The following LRRTM4 variants were observed in gnomAD, a reference collection of about 807,000 sequenced individuals.
LRRTM4 encodes the protein leucine-rich repeat transmembrane neuronal protein 4.
LRRTM4 carries 25 observed loss-of-function variants against 47.6 expected under a neutral mutation model. The ratio of observed to expected loss-of-function variants is 0.53; its 90% CI spans 0.38 to 0.73. LRRTM4 has a LOEUF of 0.73. LRRTM4 is among the 30% of genes least tolerant of loss of function. The pLI is 0.00. For missense variants in LRRTM4, 638 were observed against 713.4 expected (o/e 0.89, Z 1.20); for synonymous variants, 311 against 269.5 (o/e 1.15, Z -1.51).
chr2:76,771,835 T>C (rs895828896), intron 3 of LRRTM4, among the ~76,000 whole-genome samples: 5 of 151,878 alleles, frequency 3.3e-5, no homozygotes, highest in African/African-American at 1.2e-4. Flanking sequence ...CAACCTCACA[T>C]CCTGGAGGAC....
intron 3 of LRRTM4, among the ~76,000 whole-genome samples, chr2:76,829,175 T>C (rs961166081): frequency 3.3e-5 from 5 of 152,052 alleles, no homozygotes; most frequent in South Asian, 2.1e-4. Flanking sequence ...ACTCTGGAGA[T>C]TGGCCACACA....
intron 3 of LRRTM4, among the ~76,000 whole-genome samples, chr2:76,963,381 G>A (rs13406683): frequency 1.2e-3 from 180 of 150,612 alleles, no homozygotes; most frequent in African/African-American, 4.2e-3. Context: ...AAAAGTAAAG[G>A]AAAATCTGAA....
chr2:77,186,902 T>C (rs1673522101), intron 3 of LRRTM4, among the ~76,000 whole-genome samples: 1 of 152,098 alleles, frequency 6.6e-6, no homozygotes, highest in South Asian at 2.1e-4. Context: ...TCTTGAAAAA[T>C]AATTTACATT....
chr2:77,097,695 T>C (rs1335969089), intron 3 of LRRTM4, among the ~76,000 whole-genome samples: 1 of 152,030 alleles, frequency 6.6e-6, no homozygotes, highest in Non-Finnish European at 1.5e-5. Context: ...GTACTAAAAC[T>C]AAATTGTTAA....
At chr2:77,338,954 A>G (rs2104270401) in intron 3 of LRRTM4, among the ~76,000 whole-genome samples, 1 of 152,168 alleles carries the variant, frequency 6.6e-6, no homozygotes, top group South Asian at 2.1e-4. Flanking sequence ...TTGCAGCAAC[A>G]TAGATGCAGC....
intron 3 of LRRTM4, among the ~76,000 whole-genome samples, chr2:77,307,401 A>AT (rs922856644): frequency 2.0e-5 from 3 of 150,588 alleles, no homozygotes; most frequent in Non-Finnish European, 4.4e-5. Context: ...CATCAAATAG[A>AT]TTTTTTCCTG....
At chr2:77,000,617 T>C (rs1677385412) in intron 3 of LRRTM4, among the ~76,000 whole-genome samples, 1 of 152,184 alleles carries the variant, frequency 6.6e-6, no homozygotes, top group South Asian at 2.1e-4. Context: ...AAGGTATCTC[T>C]TTATTGTCCT....
intron 3 of LRRTM4, among the ~76,000 whole-genome samples, chr2:77,122,047 A>G (rs1054158392): frequency 7.9e-5 from 12 of 151,854 alleles, no homozygotes; most frequent in Non-Finnish European, 1.5e-5. Context: ...ACATGTTTAT[A>G]TATAAATATT....
chr2:77,028,805 G>A (rs1678542298), intron 3 of LRRTM4, among the ~76,000 whole-genome samples: 1 of 151,806 alleles, frequency 6.6e-6, no homozygotes, highest in African/African-American at 2.4e-5. Context: ...GGAGGCTGAG[G>A]TGGGCAAATC....
chr2:77,208,170 C>T (rs542597415), intron 3 of LRRTM4, among the ~76,000 whole-genome samples: 35 of 152,090 alleles, frequency 2.3e-4, no homozygotes, highest in Non-Finnish European at 3.8e-4. Flanking sequence ...TGAGCCACCA[C>T]GCACCCCCCA....
chr2:77,166,155 ACAC>A (rs992117056), intron 3 of LRRTM4, among the ~76,000 whole-genome samples: 2 of 152,214 alleles, frequency 1.3e-5, no homozygotes, highest in African/African-American at 4.8e-5. Flanking sequence ...GCATTCCTAT[ACAC>A]CAATGACAGA....
chr2:77,514,451 T>C (rs1399545136), intron 3 of LRRTM4, among the ~76,000 whole-genome samples: 1 of 152,060 alleles, frequency 6.6e-6, no homozygotes, highest in East Asian at 1.9e-4. Context: ...TACCACCCAC[T>C]GCATAACAGT....
chr2:76,758,886 T>C (rs1673156060), intron 3 of LRRTM4, among the ~76,000 whole-genome samples: 1 of 152,174 alleles, frequency 6.6e-6, no homozygotes, highest in Admixed American at 6.5e-5. Context: ...CTGCAGTCTG[T>C]AACAACCACT....
intron 3 of LRRTM4, among the ~76,000 whole-genome samples, chr2:77,289,723 TGA>T (rs2104124422): frequency 6.6e-6 from 1 of 152,224 alleles, no homozygotes; most frequent in African/African-American, 2.4e-5. Context: ...CAAGATTACA[TGA>T]TAAGATTTTT....
At chr2:77,314,002 C>A (rs549483186) in intron 3 of LRRTM4, among the ~76,000 whole-genome samples, 1 of 152,246 alleles carries the variant, frequency 6.6e-6, no homozygotes, top group South Asian at 2.1e-4. Flanking sequence ...AACCAAAGAT[C>A]CCTTGCTATC....
At chr2:77,005,718 G>C (rs1186164813) in intron 3 of LRRTM4, among the ~76,000 whole-genome samples, 1 of 152,108 alleles carries the variant, frequency 6.6e-6, no homozygotes, top group East Asian at 1.9e-4. Context: ...ACATGACTTT[G>C]CTGCTCATTC....
intron 3 of LRRTM4, among the ~76,000 whole-genome samples, chr2:77,064,285 G>C (rs1573519533): frequency 6.6e-6 from 1 of 152,132 alleles, no homozygotes; most frequent in South Asian, 2.1e-4. Context: ...TGTTGCAACA[G>C]TATGATTATA....
intron 3 of LRRTM4, among the ~76,000 whole-genome samples, chr2:77,447,533 C>T (rs1305215767): frequency 1.3e-5 from 2 of 152,096 alleles, no homozygotes; most frequent in Non-Finnish European, 2.9e-5. Context: ...TTCAATAACC[C>T]TCCTTCTGTC....
chr2:76,979,541 G>GTGTATATATATATATA (rs1553439564), intron 3 of LRRTM4, among the ~76,000 whole-genome samples: 2 of 126,956 alleles, frequency 1.6e-5, no homozygotes, highest in African/African-American at 6.8e-5. Flanking sequence ...CTGAATTTCT[G>GTGTATATATATATATA]TATATATATA....
Sources: gnomAD v4.1 joint callset for allele counts (sites outside exome capture counted in the v4.1 genomes callset) on GRCh38, gnomAD v4.1.1 for gene constraint, MANE v1.5 for transcripts, NCBI Gene and HGNC (gene_info 2026-07-23, HGNC 2026-07-21) for gene names.